MFSD2A: variants seen among roughly 807,000 people sequenced by gnomAD.
MFSD2A encodes MFSD2 lysolipid transporter A, lysophospholipid.
A neutral mutation model predicts 64.7 loss-of-function variants in MFSD2A; 27 were observed. The observed-to-expected ratio is 0.42, with a 90% CI of 0.31 to 0.58. MFSD2A has a LOEUF of 0.58. Among genes scored for constraint, MFSD2A ranks in the 20% least tolerant of loss-of-function variants. MFSD2A has a pLI of 0.18. For synonymous variants in MFSD2A, 258 were observed against 273.4 expected (o/e 0.94, Z 0.55); for missense variants, 474 against 679.5 (o/e 0.70, Z 3.36).
chr1:39,957,312 CTGTG>C, intron 2 of MFSD2A, 91 bp downstream of exon 2: 1 of 1,333,280 alleles, frequency 7.5e-7, no homozygotes, highest in Non-Finnish European at 1.0e-6. Flanking sequence ...TTTTCCCCAT[CTGTG>C]AAATGGGACC....
At chr1:39,962,958 G>T in intron 3 of MFSD2A, 2 of 1,550,604 alleles carry the variant, frequency 1.3e-6, no homozygotes, top group Non-Finnish European at 1.8e-6. Flanking sequence ...TGGCCATGTC[G>T]GTCTGGGTGT....
intron 3 of MFSD2A, chr1:39,962,614 G>A: frequency 1.2e-6 from 1 of 806,210 alleles, no homozygotes; most frequent in South Asian, 1.5e-5. Flanking sequence ...GGGAACTCTG[G>A]TGCCTTCCGC....
intron 3 of MFSD2A, among the ~76,000 whole-genome samples, chr1:39,962,501 A>G (rs1475124491): frequency 6.6e-6 from 1 of 152,270 alleles, no homozygotes; most frequent in Non-Finnish European, 1.5e-5. Flanking sequence ...AATTTACCAT[A>G]ACCTTTAAAA....
rs1645018525 is a variant in MFSD2A at position 39,960,616 on chromosome 1, A to T, written c.353+1791A>T. Among the ~76,000 whole-genome samples the T allele has an allele frequency of 6.6e-6, 1 of 152,214 alleles. No homozygotes were observed. The highest frequency in any genetic ancestry group is 1.5e-5 in the Non-Finnish European group (1 of 68,030). On this transcript the variant is annotated intron_variant, in intron 3 of 13. Coordinates refer to ENST00000372811, the MANE Select transcript of MFSD2A (RefSeq NM_032793.5). The surrounding 1 kb of genome is among the most constrained non-coding windows in gnomAD (Gnocchi z 4.8). ...CAATGGGAGGCAGCCGCTCCCAGGG[A>T]TGGTGGCTGCAGGCCGGGTTACTCC...
Position 39,965,742 on chromosome 1 carries a change from C to G in MFSD2A, c.557-115C>G. The G allele has an allele frequency of 2.2e-6, 3 of 1,389,736 alleles. No homozygotes were observed. Among genetic ancestry groups the G allele is most frequent in the Non-Finnish European group, 3.0e-6 (3 of 1,002,224 alleles). 86.1% of individuals were successfully genotyped at this position (1,389,736 alleles called of 1,614,324 possible). On this transcript the variant is annotated intron_variant, in intron 5 of 13. Transcript: ENST00000372811. This position sits in a 1 kb window ranked among gnomAD's most constrained non-coding sequence, Gnocchi z 5.5. ...GTTCAAACCAAGGTGTCACCTACCC[C>G]ACTACCTCTACCCACCCTGCCTGGA...
chr1:39,960,881 G>A lies in MFSD2A; in HGVS notation c.353+2056G>A, dbSNP rs1233659893. On this transcript the variant is annotated intron_variant, in intron 3 of 13. Transcript: ENST00000372811. The surrounding 1 kb of genome is among the most constrained non-coding windows in gnomAD (Gnocchi z 4.8). ...CTGGTTTCTGATCTAGCAGGTGCCTGTGTGCACATGCTTCTGTGGCTGGTG... is the reference window on the plus strand; with the variant it reads ...CTGGTTTCTGATCTAGCAGGTGCCTATGTGCACATGCTTCTGTGGCTGGTG... Among the ~76,000 whole-genome samples, 2 of 152,206 alleles carry A rather than the reference G, an allele frequency of 1.3e-5. No homozygotes were observed. Among genetic ancestry groups the A allele is most frequent in the African/African-American group, 2.4e-5 (1 of 41,446 alleles).
Position 39,965,351 on chromosome 1 carries a change from C to T in MFSD2A, c.477+17C>T, listed in dbSNP as rs183077173. 193 of 1,613,986 alleles carry T rather than the reference C, an allele frequency of 1.2e-4. No homozygotes were observed. The highest frequency in any genetic ancestry group is 1.6e-4 in the Non-Finnish European group (187 of 1,179,980). On this transcript the variant is annotated intron_variant, in intron 4 of 13. Transcript: ENST00000372811. This position sits in a 1 kb window ranked among gnomAD's most constrained non-coding sequence, Gnocchi z 5.5. The stretch of plus-strand genomic sequence containing the variant: ...ATGGTCACGGTGAGTGTGGGTACCT[C>T]CCTTGGGTGTCTCTAGGGGCCGGGA...
chr1:39,965,726 A>G lies in MFSD2A; in HGVS notation c.557-131A>G. 1 of 1,287,780 alleles carries G rather than the reference A, an allele frequency of 7.8e-7. No individual in the cohort carries two copies. Among genetic ancestry groups the G allele is most frequent in the Non-Finnish European group, 1.1e-6 (1 of 915,712 alleles). The allele number at this position is 1,287,780 out of a possible 1,614,324, so 79.8% of individuals were successfully genotyped here. ...GGAGAGGTGCATATGCGTTCAAACCAAGGTGTCACCTACCCCACTACCTCT... is the reference window on the plus strand; with the variant it reads ...GGAGAGGTGCATATGCGTTCAAACCGAGGTGTCACCTACCCCACTACCTCT... On this transcript the variant is annotated intron_variant, in intron 5 of 13. Transcript: ENST00000372811. This position sits in a 1 kb window ranked among gnomAD's most constrained non-coding sequence, Gnocchi z 5.5.
At position 39,955,553 on chromosome 1, in the gene MFSD2A, A is replaced by G. The variant is rs1644907517; in HGVS notation, c.93+168A>G. ...GGTGCCCTGGGACAGGGGGTGACGG[A>G]GAAAAGCTGTGGGCGCCCTCGCCCC... is the stretch of plus-strand genomic sequence containing the variant. On this transcript the variant is annotated intron_variant, in intron 1 of 13. Coordinates refer to ENST00000372811, the MANE Select transcript of MFSD2A (RefSeq NM_032793.5). This position sits in a 1 kb window ranked among gnomAD's most constrained non-coding sequence, Gnocchi z 5.9. The G allele has an allele frequency of 2.6e-6, 2 of 781,148 alleles. No homozygotes were observed. The highest frequency in any genetic ancestry group is 3.0e-5 in the South Asian group (2 of 67,638). The allele number at this position is 781,148 out of a possible 1,614,324, so 48.4% of individuals were successfully genotyped here.
Position 39,955,499 on chromosome 1 carries a change from G to A in MFSD2A, c.93+114G>A, listed in dbSNP as rs1278222327. ...GGGACCATTGGGATAGCCAGGGACA[G>A]GAAGCCTACGAGCCAGAGAGGACCT... On this transcript the variant is annotated intron_variant, in intron 1 of 13. Transcript: ENST00000372811. This position sits in a 1 kb window ranked among gnomAD's most constrained non-coding sequence, Gnocchi z 5.9. The A allele has an allele frequency of 1.7e-6, 2 of 1,146,482 alleles. No homozygotes were observed. Among genetic ancestry groups the A allele is most frequent in the Non-Finnish European group, 2.5e-6 (2 of 791,196 alleles). The allele number at this position is 1,146,482 out of a possible 1,614,324, so 71.0% of individuals were successfully genotyped here. A position where few individuals can be genotyped will look rare whatever the true frequency, so the allele number is the denominator to read the frequency against.
At position 39,963,444 on chromosome 1, in the gene MFSD2A, A is replaced by T. The variant is rs1645088868; in HGVS notation, c.354-1767A>T. 1.3e-5 allele frequency: 5 copies of T among 371,592 alleles called. No homozygotes were observed. In the South Asian group the frequency reaches 1.8e-4, roughly 14 times the overall value. 23.0% of individuals were successfully genotyped at this position (371,592 alleles called of 1,614,324 possible). A position where few individuals can be genotyped will look rare whatever the true frequency, so the allele number is the denominator to read the frequency against. On this transcript the variant is annotated intron_variant, in intron 3 of 13. Coordinates refer to ENST00000372811, the MANE Select transcript of MFSD2A (RefSeq NM_032793.5). This position sits in a 1 kb window ranked among gnomAD's most constrained non-coding sequence, Gnocchi z 4.2. ...AGAAGTAAAGTGAATTAAGCCTGTTAAAAAAAAAATGTTTACGAGACAGAG... is the reference window on the plus strand; with the variant it reads ...AGAAGTAAAGTGAATTAAGCCTGTTTAAAAAAAAATGTTTACGAGACAGAG...
chr1:39,965,287 A>G lies in MFSD2A; in HGVS notation c.430A>G (p.Thr144Ala), dbSNP rs1198757988. Residue 144 changes from threonine (T) to alanine (A), a missense_variant, in exon 4 of 14, where the codon ACC (threonine) becomes GCC (alanine). Thr to Ala is a moderately conservative substitution (Grantham distance 58). Transcript: ENST00000372811. This position sits in a 1 kb window ranked among gnomAD's most constrained non-coding sequence, Gnocchi z 5.5. ...CGTGCCCGACTTCCCACACGGCCAG[A>G]CCTATTGGTACCTGCTTTTCTATTG... ...WFVPDFPHGQ[T>A]YWYLLFYCLF... 1 of 1,613,846 alleles carries G rather than the reference A, an allele frequency of 6.2e-7. No individual in the cohort carries two copies. The highest frequency in any genetic ancestry group is 8.5e-7 in the Non-Finnish European group (1 of 1,179,982).
chr1:39,955,219 T>C lies in MFSD2A; in HGVS notation c.-74T>C. On this transcript the variant is annotated 5_prime_UTR_variant, in exon 1 of 14. Transcript: ENST00000372811. This position sits in a 1 kb window ranked among gnomAD's most constrained non-coding sequence, Gnocchi z 5.9. ...TGGCTAAGGCTGCTACGAAGCGAGC[T>C]TGGGAGGAGCAGCGGCCTGCGGGGC... 8.0e-7 allele frequency: 1 copy of C among 1,254,452 alleles called. No homozygotes were observed. The highest frequency in any genetic ancestry group is 1.0e-6 in the Non-Finnish European group (1 of 974,926). 77.7% of individuals were successfully genotyped at this position (1,254,452 alleles called of 1,614,324 possible). A position where few individuals can be genotyped will look rare whatever the true frequency, so the allele number is the denominator to read the frequency against.
rs1300621284 is a variant in MFSD2A at position 39,968,706 on chromosome 1, A to C, written c.1490A>C (p.Glu497Ala). 1 of 1,614,084 alleles carries C rather than the reference A, an allele frequency of 6.2e-7. No individual in the cohort carries two copies. The highest frequency in any genetic ancestry group is 1.7e-5 in the Admixed American group (1 of 60,018). ...LLFKMYPIDE[E>A]RRRQNKKALQ... ...TTCAAAATGTACCCCATTGATGAGG[A>C]GAGGCGGCGGCAGAATAAGAAGGCC... Residue 497 changes from glutamate (E) to alanine (A), a missense_variant, in exon 13 of 14, where the codon GAG (glutamate) becomes GCG (alanine). Physicochemically the swap from Glu to Ala is moderately radical, Grantham distance 107 (BLOSUM62 -1). Transcript: ENST00000372811. This position sits in a 1 kb window ranked among gnomAD's most constrained non-coding sequence, Gnocchi z 4.4.
At position 39,962,571 on chromosome 1, in the gene MFSD2A, G is replaced by C. The variant is rs1232559431; in HGVS notation, c.354-2640G>C. 1.4e-5 allele frequency: 9 copies of C among 632,508 alleles called. 2 individuals carry two copies. In the South Asian group the frequency reaches 1.5e-4, roughly 10 times the overall value. 39.2% of individuals were successfully genotyped at this position (632,508 alleles called of 1,614,324 possible). A position where few individuals can be genotyped will look rare whatever the true frequency, so the allele number is the denominator to read the frequency against. ...AATGGCGGATGACACTGGTGCAGCG[G>C]GGGGGCCTGGAGGCCCTGGTGGCCC... On this transcript the variant is annotated intron_variant, in intron 3 of 13. Transcript: ENST00000372811.
rs747327989 is a variant in MFSD2A, at chr1:39,968,753, GGGAGGGGACAGGATGCTGGA to G, written c.1529+18_1529+37del. ...GGCCCTGCAGGCACTGAGGTGAGTGGGGAGGGGACAGGATGCTGGAGGAGGGGACGTCACTGTGTCTAAAC... is the reference window on the plus strand; with the variant it reads ...GGCCCTGCAGGCACTGAGGTGAGTGGGGAGGGGACGTCACTGTGTCTAAAC... On this transcript the variant is annotated intron_variant, in intron 13 of 13. Coordinates refer to ENST00000372811, the MANE Select transcript of MFSD2A (RefSeq NM_032793.5). This position sits in a 1 kb window ranked among gnomAD's most constrained non-coding sequence, Gnocchi z 4.4. 2 of 1,613,930 alleles carry G rather than the reference GGGAGGGGACAGGATGCTGGA, an allele frequency of 1.2e-6. No individual in the cohort carries two copies. Among genetic ancestry groups the G allele is most frequent in the African/African-American group, 1.3e-5 (1 of 75,020 alleles).
rs1057519087 is a variant in MFSD2A, at chr1:39,967,632, C to T, written c.1016C>T (p.Ser339Leu). ...FQNLLLAIML[S>L]ATLTIPIWQW... ...ACCCCCTTTGTCCATCCACAGCTCT[C>T]GGCCACTTTAACCATTCCCATCTGG... Residue 339 changes from serine (S) to leucine (L), a missense_variant, in exon 10 of 14, where the codon TCG (serine) becomes TTG (leucine). Physicochemically the swap from Ser to Leu is moderately radical, Grantham distance 145 (BLOSUM62 -2). Coordinates refer to ENST00000372811, the MANE Select transcript of MFSD2A (RefSeq NM_032793.5). 6.2e-7 allele frequency: 1 copy of T among 1,613,976 alleles called. No individual in the cohort carries two copies. Among genetic ancestry groups the T allele is most frequent in the African/African-American group, 1.3e-5 (1 of 74,924 alleles).
At position 39,955,642 on chromosome 1, in the gene MFSD2A, C is replaced by T. The variant is rs1049045841; in HGVS notation, c.93+257C>T. The T allele has an allele frequency of 4.4e-6, 3 of 676,764 alleles. No homozygotes were observed. The highest frequency in any genetic ancestry group is 3.5e-5 in the African/African-American group (2 of 56,696). 41.9% of individuals were successfully genotyped at this position (676,764 alleles called of 1,614,324 possible). ...CTGCCGGCAGCCCCATGTGATTCCC[C>T]GCTCTGCCTAGCCGGTTTCCATTCT... On this transcript the variant is annotated intron_variant, in intron 1 of 13. Transcript: ENST00000372811. The surrounding 1 kb of genome is among the most constrained non-coding windows in gnomAD (Gnocchi z 5.9).
intron 9 of MFSD2A, 105 bp downstream of exon 9, chr1:39,967,274 C>A: frequency 9.5e-7 from 1 of 1,054,688 alleles, no homozygotes; most frequent in South Asian, 1.4e-5. Flanking sequence ...GGCCCAAGGT[C>A]ATGAAAGGAT....
Sources: allele counts gnomAD v4.1 joint callset (sites outside exome capture counted in the v4.1 genomes callset), GRCh38; gene constraint gnomAD v4.1.1; non-coding constraint Gnocchi (gnomAD v3.1); transcripts MANE v1.5; gene names NCBI Gene and HGNC (gene_info 2026-07-23, HGNC 2026-07-21).